SLC25A37: variants seen among roughly 807,000 people sequenced by gnomAD.
The protein encoded by SLC25A37 is solute carrier family 25 member 37.
In SLC25A37, 17 loss-of-function variants were observed where a neutral mutation model predicts 31.0. The observed-to-expected ratio is 0.55, with a 90% CI of 0.38 to 0.82. SLC25A37 has a LOEUF of 0.82. Among genes scored for constraint, SLC25A37 ranks in the 40% least tolerant of loss-of-function variants. SLC25A37 has a pLI of 0.00. For synonymous variants in SLC25A37, 222 were observed against 193.0 expected (o/e 1.15, Z -1.24); for missense variants, 404 against 465.8 (o/e 0.87, Z 1.22).
At chr8:23,553,983 CAG>C (rs1408617746) in intron 1 of SLC25A37, among the ~76,000 whole-genome samples, 1 of 152,180 alleles carries the variant, frequency 6.6e-6, no homozygotes, top group African/African-American at 2.4e-5. Flanking sequence ...GTTGTAGAAA[CAG>C]AGCATATTGG....
chr8:23,567,999 A>G (rs1802714199), intron 2 of SLC25A37: 1 of 416,672 alleles, frequency 2.4e-6, no homozygotes, highest in South Asian at 2.1e-5. Context: ...ACATCTAGAC[A>G]GTGGAAAAAG....
chr8:23,562,145 C>T (rs1802532720), intron 1 of SLC25A37, among the ~76,000 whole-genome samples: 1 of 152,204 alleles, frequency 6.6e-6, no homozygotes, highest in East Asian at 1.9e-4. Context: ...CCAGCCAGGG[C>T]TCATCCCCAA....
intron 1 of SLC25A37, among the ~76,000 whole-genome samples, chr8:23,562,473 T>A (rs1327044333): frequency 6.6e-6 from 1 of 152,198 alleles, no homozygotes; most frequent in Non-Finnish European, 1.5e-5. Context: ...TTGGGTTAGT[T>A]TGTTCATCAA....
intron 1 of SLC25A37, among the ~76,000 whole-genome samples, chr8:23,554,699 A>G (rs1174592131): frequency 1.3e-5 from 2 of 152,170 alleles, no homozygotes; most frequent in African/African-American, 4.8e-5. Flanking sequence ...TCTGAACTAC[A>G]GGCAAGGCTG....
chr8:23,531,528 G>T (rs1175552777), intron 1 of SLC25A37, among the ~76,000 whole-genome samples: 2 of 152,186 alleles, frequency 1.3e-5, no homozygotes, highest in African/African-American at 4.8e-5. Context: ...TATGTTACTT[G>T]AAATATCAAA....
chr8:23,552,906 C>T lies in SLC25A37; in HGVS notation c.211-13202C>T, dbSNP rs557603774. 1.6e-4 allele frequency among the ~76,000 whole-genome samples: 25 copies of T among 152,274 alleles called. 1 individual carries two copies. In the South Asian group the frequency reaches 4.6e-3, roughly 28 times the overall value. On this transcript the variant is annotated intron_variant, in intron 1 of 3. Transcript: ENST00000519973. ...AAAGAAAGCTCACAGGGAGCCCCAT[C>T]GTGCAAAACCGATGATGGCAGAGCT...
At chr8:23,535,376 A>G (rs1009752692) in intron 1 of SLC25A37, among the ~76,000 whole-genome samples, 3 of 152,096 alleles carry the variant, frequency 2.0e-5, no homozygotes, top group Non-Finnish European at 4.4e-5. Flanking sequence ...CTTCCATGTC[A>G]TAGGGAAACC....
intron 1 of SLC25A37, chr8:23,541,945 C>T (rs929793767): frequency 6.6e-6 from 1 of 152,252 alleles, no homozygotes; most frequent in Non-Finnish European, 1.5e-5. Context: ...CCTTAGTCAC[C>T]CGCCTCTGTG....
intron 1 of SLC25A37, among the ~76,000 whole-genome samples, chr8:23,563,360 A>AT (rs879726530): frequency 3.1e-4 from 47 of 151,840 alleles, no homozygotes; most frequent in Non-Finnish European, 5.6e-4. Context: ...CTAATTTCTT[A>AT]TTTTTTTGTT....
In SLC25A37 at chr8:23,572,754, T is replaced by C. The variant is rs1802897090; in HGVS notation, c.*899T>C. 6.6e-6 allele frequency: 1 copy of C among 152,086 alleles called. No homozygotes were observed. The highest frequency in any genetic ancestry group is 2.4e-5 in the African/African-American group (1 of 41,380). 9.4% of individuals were successfully genotyped at this position (152,086 alleles called of 1,614,324 possible). ...TGTACACACACGCACACATGCTGGG[T>C]GGCAGGATCTCGCCCGCTGGAGGGT... is the stretch of plus-strand genomic sequence containing the variant. On this transcript the variant is annotated 3_prime_UTR_variant, in exon 4 of 4. Coordinates refer to ENST00000519973, the MANE Select transcript of SLC25A37 (RefSeq NM_016612.4).
At position 23,529,592 on chromosome 8, in the gene SLC25A37, G is replaced by A. The variant is rs979633608; in HGVS notation, c.210+380G>A. 2.6e-5 allele frequency among the ~76,000 whole-genome samples: 4 copies of A among 152,170 alleles called. No homozygotes were observed. The highest frequency in any genetic ancestry group is 5.9e-5 in the Non-Finnish European group (4 of 68,012). On this transcript the variant is annotated intron_variant, in intron 1 of 3. Transcript: ENST00000519973. This position sits in a 1 kb window ranked among gnomAD's most constrained non-coding sequence, Gnocchi z 4.1. ...ACGCTGGCCGTTCGGGCTGGCTGGG[G>A]CCGCCCACACGTGCGCGGTTTCCGA... is the stretch of plus-strand genomic sequence containing the variant.
In SLC25A37 at chr8:23,566,494, G is replaced by A. The variant is rs544924027; in HGVS notation, c.439+158G>A. 6.4e-4 allele frequency: 901 copies of A among 1,406,834 alleles called. 1 individual carries two copies. The highest frequency in any genetic ancestry group is 7.7e-4 in the Non-Finnish European group (841 of 1,085,660). 87.1% of individuals were successfully genotyped at this position (1,406,834 alleles called of 1,614,324 possible). A position where few individuals can be genotyped will look rare whatever the true frequency, so the allele number is the denominator to read the frequency against. On this transcript the variant is annotated intron_variant, in intron 2 of 3. Coordinates refer to ENST00000519973, the MANE Select transcript of SLC25A37 (RefSeq NM_016612.4). Reference sequence around the variant, plus strand: ...GTGTGCAATGCACACCCAGACACACGCACGCACACACACGCGCGCGCACAC... The same window carrying A: ...GTGTGCAATGCACACCCAGACACACACACGCACACACACGCGCGCGCACAC...
intron 1 of SLC25A37, among the ~76,000 whole-genome samples, chr8:23,535,566 A>C (rs1345123571): frequency 6.6e-6 from 1 of 152,236 alleles, no homozygotes. Context: ...ACCTGGGCAC[A>C]TTACCTAACC....
Position 23,574,181 on chromosome 8 carries a change from A to G in SLC25A37, c.*2326A>G. ...AGAGGGATGCAAGAAGGAGAGGTGA[A>G]GGTGGCGTGTGGTGGCTCATGCCTG... is the stretch of plus-strand genomic sequence containing the variant. On this transcript the variant is annotated 3_prime_UTR_variant, in exon 4 of 4. Transcript: ENST00000519973. 1 of 268,524 alleles carries G rather than the reference A, an allele frequency of 3.7e-6. No homozygotes were observed. The allele number at this position is 268,524 out of a possible 1,614,324, so 16.6% of individuals were successfully genotyped here. A position where few individuals can be genotyped will look rare whatever the true frequency, so the allele number is the denominator to read the frequency against.
At chr8:23,540,685 A>G (rs1379786971) in intron 1 of SLC25A37, among the ~76,000 whole-genome samples, 1 of 152,182 alleles carries the variant, frequency 6.6e-6, no homozygotes, top group Non-Finnish European at 1.5e-5. Context: ...ACTAGTCGTG[A>G]AGATTCCTTT....
At position 23,571,863 on chromosome 8, in the gene SLC25A37, G is replaced by A. The variant is rs754291280; in HGVS notation, c.*8G>A. 11 of 1,603,994 alleles carry A rather than the reference G, an allele frequency of 6.9e-6. No individual in the cohort carries two copies. The highest frequency in any genetic ancestry group is 1.3e-5 in the African/African-American group (1 of 74,542). On this transcript the variant is annotated 3_prime_UTR_variant, in exon 4 of 4. Transcript: ENST00000519973. ...AATCGAGCTCCATACTAAAGGAAGG[G>A]ATCATAGAATCTTTTCTTAAAGTCA... is the stretch of plus-strand genomic sequence containing the variant.
At chr8:23,553,307 A>T (rs1310970019) in intron 1 of SLC25A37, among the ~76,000 whole-genome samples, 1 of 152,198 alleles carries the variant, frequency 6.6e-6, no homozygotes, top group African/African-American at 2.4e-5. Flanking sequence ...CTGTAATCCC[A>T]GCTACTCAGG....
At chr8:23,534,796 A>G (rs1014157012) in intron 1 of SLC25A37, among the ~76,000 whole-genome samples, 14 of 152,206 alleles carry the variant, frequency 9.2e-5, no homozygotes, top group African/African-American at 3.4e-4. Flanking sequence ...TGCACTTCAC[A>G]TGCCTGGTAC....
intron 1 of SLC25A37, among the ~76,000 whole-genome samples, chr8:23,562,591 A>G (rs1054203267): frequency 1.3e-5 from 2 of 152,206 alleles, no homozygotes; most frequent in Admixed American, 6.5e-5. Context: ...TGGCCTGCAC[A>G]ACCCTGGAAG....
Sources: gnomAD v4.1 joint callset for allele counts (sites outside exome capture counted in the v4.1 genomes callset) on GRCh38, gnomAD v4.1.1 for gene constraint, Gnocchi (gnomAD v3.1) non-coding constraint, MANE v1.5 for transcripts, NCBI Gene and HGNC (gene_info 2026-07-23, HGNC 2026-07-21) for gene names.